Variants in DPP10 observed in about 807,000 individuals in gnomAD.
The protein encoded by DPP10 is dipeptidyl peptidase like 10.
A neutral mutation model predicts 120.9 loss-of-function variants in DPP10; 33 were observed. That is an observed-to-expected ratio of 0.27 (90% confidence interval 0.21 to 0.37). The LOEUF (loss-of-function observed/expected upper bound fraction) is 0.37, where lower values mean the gene tolerates loss of function less well. Ranked by LOEUF, DPP10 falls within the 10% of genes least tolerant of loss-of-function variation. The pLI, the probability that DPP10 is intolerant of heterozygous loss-of-function variation, is 1.00. For synonymous variants in DPP10, 337 were observed against 326.1 expected, an observed-to-expected ratio of 1.03 and a Z score of -0.36; for missense variants, 816 against 942.8, an observed-to-expected ratio of 0.87 and a Z score of 1.76.
At chr2:114,765,464 C>G (rs1680630348) in intron 1 of DPP10, among the ~76,000 whole-genome samples, 1 of 152,124 alleles carries the variant, frequency 6.6e-6, no homozygotes, top group Non-Finnish European at 1.5e-5. Context: ...AGAGGCACTA[C>G]TAGGGCACAA....
At chr2:114,660,998 T>C (rs1016653461) in intron 1 of DPP10, among the ~76,000 whole-genome samples, 2 of 152,208 alleles carry the variant, frequency 1.3e-5, no homozygotes, top group Non-Finnish European at 1.5e-5. Flanking sequence ...TTGAAAAATA[T>C]TTCTGCTTGC....
intron 1 of DPP10, among the ~76,000 whole-genome samples, chr2:114,569,645 C>T (rs975556118): frequency 2.8e-4 from 42 of 152,036 alleles, no homozygotes; most frequent in Admixed American, 2.7e-3. Context: ...TGTTACTGCT[C>T]CCCTTAAAGA....
At chr2:115,703,627 G>A (rs759015402) in intron 7 of DPP10, among the ~76,000 whole-genome samples, 1 of 151,946 alleles carries the variant, frequency 6.6e-6, no homozygotes, top group Non-Finnish European at 1.5e-5. Flanking sequence ...TACCCTTAAG[G>A]CCTTCAGCTG....
At chr2:115,475,759 G>A (rs777082664) in intron 3 of DPP10, among the ~76,000 whole-genome samples, 27 of 152,188 alleles carry the variant, frequency 1.8e-4, no homozygotes, top group Non-Finnish European at 3.4e-4. Flanking sequence ...TTGCGTCAGT[G>A]TGACCTGGAT....
chr2:114,819,448 A>G (rs1297198206), intron 1 of DPP10, among the ~76,000 whole-genome samples: 2 of 152,172 alleles, frequency 1.3e-5, no homozygotes, highest in Admixed American at 6.6e-5. Context: ...TTATGAGTCT[A>G]TGTTATCCCC....
At chr2:115,717,558 T>C (rs1190527163) in intron 7 of DPP10, among the ~76,000 whole-genome samples, 2 of 152,220 alleles carry the variant, frequency 1.3e-5, no homozygotes, top group South Asian at 2.1e-4. Flanking sequence ...TCTTAGGTTT[T>C]TGTGAGTGCT....
intron 3 of DPP10, among the ~76,000 whole-genome samples, chr2:115,444,004 A>G (rs924757234): frequency 6.6e-6 from 1 of 152,176 alleles, no homozygotes; most frequent in African/African-American, 2.4e-5. Flanking sequence ...GCAAATTCTT[A>G]TTAGCAGTTC....
intron 3 of DPP10, among the ~76,000 whole-genome samples, chr2:115,476,631 G>A (rs1597190): frequency 0.83 from 125,877 of 152,050 alleles, 55,153 homozygotes; most frequent in Non-Finnish European, 0.97. Flanking sequence ...ATGGCACTAA[G>A]CAATTAATGA....
At chr2:115,826,299 CT>C (rs1339291295) in intron 21 of DPP10, among the ~76,000 whole-genome samples, 1 of 152,180 alleles carries the variant, frequency 6.6e-6, no homozygotes, top group Non-Finnish European at 1.5e-5. Flanking sequence ...CTATAATTGT[CT>C]GTTTGCCTTT....
At chr2:115,434,895 T>G (rs2071345295) in intron 3 of DPP10, among the ~76,000 whole-genome samples, 1 of 151,856 alleles carries the variant, frequency 6.6e-6, no homozygotes, top group African/African-American at 2.4e-5. Flanking sequence ...GAAATCCACT[T>G]TTTTAGCTTC....
At chr2:114,886,413 G>A (rs1476049129) in intron 1 of DPP10, among the ~76,000 whole-genome samples, 1 of 152,060 alleles carries the variant, frequency 6.6e-6, no homozygotes, top group Non-Finnish European at 1.5e-5. Context: ...TGTTGCCATT[G>A]AACATCTCAT....
intron 5 of DPP10, among the ~76,000 whole-genome samples, chr2:115,536,906 C>G (rs1406506067): frequency 6.6e-6 from 1 of 151,958 alleles, no homozygotes; most frequent in African/African-American, 2.4e-5. Context: ...TAAAATTACA[C>G]TAGGATTAAT....
At chr2:115,792,058 GA>G (rs1684049836) in intron 19 of DPP10, among the ~76,000 whole-genome samples, 1 of 152,014 alleles carries the variant, frequency 6.6e-6, no homozygotes, top group Non-Finnish European at 1.5e-5. Flanking sequence ...ATAATATTTA[GA>G]AATAGTAAAT....
intron 1 of DPP10, among the ~76,000 whole-genome samples, chr2:114,893,488 C>T (rs545695589): frequency 6.6e-6 from 1 of 151,988 alleles, no homozygotes; most frequent in Non-Finnish European, 1.5e-5. Flanking sequence ...GAAAGTTATG[C>T]TGTGATGAGA....
intron 3 of DPP10, among the ~76,000 whole-genome samples, chr2:115,376,776 C>T (rs2065836005): frequency 1.3e-5 from 2 of 149,716 alleles, no homozygotes; most frequent in African/African-American, 4.9e-5. Flanking sequence ...TGTTCAATTC[C>T]CACCTATGAG....
intron 1 of DPP10, among the ~76,000 whole-genome samples, chr2:114,799,746 T>C (rs1684031523): frequency 6.6e-6 from 1 of 152,082 alleles, no homozygotes; most frequent in Admixed American, 6.6e-5. Flanking sequence ...GAGTTGGATG[T>C]CCCCTGAGAA....
intron 1 of DPP10, among the ~76,000 whole-genome samples, chr2:115,288,338 A>C (rs939301408): frequency 1.4e-4 from 21 of 151,994 alleles, no homozygotes; most frequent in South Asian, 1.0e-3. Flanking sequence ...TCTTTTGAGA[A>C]ATATCTGTTC....
chr2:115,479,118 G>GCATTATT, intron 3 of DPP10, among the ~76,000 whole-genome samples: 1 of 152,240 alleles, frequency 6.6e-6, no homozygotes, highest in East Asian at 1.9e-4. Context: ...ATTCATAGCA[G>GCATTATT]CATTATTCAC....
At chr2:114,566,823 C>T (rs767627773) in intron 1 of DPP10, among the ~76,000 whole-genome samples, 2 of 152,192 alleles carry the variant, frequency 1.3e-5, no homozygotes, top group Non-Finnish European at 2.9e-5. Context: ...TCCTCTGGAG[C>T]TGAGGCAGAT....
Sources: gnomAD v4.1 joint callset for allele counts (sites outside exome capture counted in the v4.1 genomes callset) on GRCh38, gnomAD v4.1.1 for gene constraint, MANE v1.5 for transcripts, NCBI Gene and HGNC (gene_info 2026-07-23, HGNC 2026-07-21) for gene names.